Variants in DLG2 observed in about 807,000 individuals in gnomAD.
The protein encoded by DLG2 is disks large homolog 2.
Under a neutral mutation model 132.5 loss-of-function variants are expected in DLG2, and 45 were observed. That is an observed-to-expected ratio of 0.34 (90% CI 0.27 to 0.44). The LOEUF (loss-of-function observed/expected upper bound fraction) is 0.44, where lower values mean the gene tolerates loss of function less well. Among genes scored for constraint, DLG2 ranks in the 20% least tolerant of loss-of-function variants. The pLI, the probability that DLG2 is intolerant of heterozygous loss-of-function variation, is 1.00. For synonymous variants in DLG2, 424 were observed against 419.6 expected (o/e 1.01, Z -0.13); for missense variants, 1,045 against 1,196.9 (o/e 0.87, Z 1.87).
intron 7 of DLG2, among the ~76,000 whole-genome samples, chr11:84,509,143 G>C (rs10898249): frequency 0.15 from 22,631 of 152,170 alleles, 1,742 homozygotes; most frequent in South Asian, 0.26. Context: ...CAAAACTGGA[G>C]TTTTAATGCT....
chr11:85,152,058 A>G (rs2077292609), intron 5 of DLG2, among the ~76,000 whole-genome samples: 1 of 152,178 alleles, frequency 6.6e-6, no homozygotes. Flanking sequence ...AGTTACCAGA[A>G]AAATAGAGCT....
At chr11:85,179,957 A>G (rs1344765030) in intron 4 of DLG2, among the ~76,000 whole-genome samples, 1 of 151,964 alleles carries the variant, frequency 6.6e-6, no homozygotes, top group East Asian at 1.9e-4. Context: ...AAATTGTCCA[A>G]GGACACACAG....
At chr11:84,368,055 A>G (rs2098691309) in intron 7 of DLG2, among the ~76,000 whole-genome samples, 1 of 152,126 alleles carries the variant, frequency 6.6e-6, no homozygotes, top group Non-Finnish European at 1.5e-5. Context: ...TACTTTCTAT[A>G]TCTAAGATCT....
chr11:84,832,285 C>T (rs2079140850), intron 6 of DLG2, among the ~76,000 whole-genome samples: 1 of 151,630 alleles, frequency 6.6e-6, no homozygotes, highest in Non-Finnish European at 1.5e-5. Flanking sequence ...CTAGCTGAAA[C>T]ACTCAGGTTT....
chr11:83,725,119 G>A (rs1160753275), intron 18 of DLG2: 9 of 533,138 alleles, frequency 1.7e-5, no homozygotes, highest in African/African-American at 3.8e-5. Flanking sequence ...TATTTTCTCC[G>A]TTTTAAACGC....
chr11:83,651,787 G>T, intron 18 of DLG2: 1 of 469,754 alleles, frequency 2.1e-6, no homozygotes, highest in South Asian at 1.6e-5. Context: ...TGTAAATCCT[G>T]TTTCCAAAAC....
At chr11:85,306,132 T>C (rs1031654988) in intron 3 of DLG2, among the ~76,000 whole-genome samples, 13 of 152,210 alleles carry the variant, frequency 8.5e-5, no homozygotes, top group Non-Finnish European at 1.8e-4. Context: ...AACTAAATTA[T>C]ATAGAGAATG....
intron 6 of DLG2, among the ~76,000 whole-genome samples, chr11:84,999,666 A>C (rs944530752): frequency 2.0e-5 from 3 of 152,124 alleles, no homozygotes; most frequent in African/African-American, 7.2e-5. Flanking sequence ...AAGCAGCCTG[A>C]GTGATTGGTT....
chr11:83,668,800 CATATATATGTGTATATAAACAT>C (rs1449109532), intron 18 of DLG2, among the ~76,000 whole-genome samples: 3 of 66,206 alleles, frequency 4.5e-5, no homozygotes, highest in African/African-American at 9.2e-5. Context: ...TATAAACACA[CATATATATGTGTATATAAACAT>C]ATATATGTGT....
chr11:83,867,297 C>T (rs908846793), intron 16 of DLG2, among the ~76,000 whole-genome samples: 1 of 152,018 alleles, frequency 6.6e-6, no homozygotes, highest in Non-Finnish European at 1.5e-5. Flanking sequence ...GTTAAAGGTA[C>T]CTAAATTGTT....
At chr11:84,675,608 A>G (rs1000082219) in intron 6 of DLG2, among the ~76,000 whole-genome samples, 20 of 151,898 alleles carry the variant, frequency 1.3e-4, no homozygotes, top group Admixed American at 7.2e-4. Flanking sequence ...TTCACATAGC[A>G]CTCGTTGCCT....
intron 3 of DLG2, among the ~76,000 whole-genome samples, chr11:85,578,880 G>C: frequency 6.6e-6 from 1 of 151,896 alleles, no homozygotes; most frequent in South Asian, 2.1e-4. Context: ...CTCATTACTG[G>C]GTATATACCC....
chr11:83,698,229 G>C (rs1482263367), intron 18 of DLG2, among the ~76,000 whole-genome samples: 1 of 152,204 alleles, frequency 6.6e-6, no homozygotes, highest in Non-Finnish European at 1.5e-5. Flanking sequence ...TGTTTGCTGA[G>C]AGGGAAATGT....
At chr11:84,421,204 A>T (rs2098949715) in intron 7 of DLG2, among the ~76,000 whole-genome samples, 1 of 152,172 alleles carries the variant, frequency 6.6e-6, no homozygotes, top group South Asian at 2.1e-4. Flanking sequence ...TTGTACCTTG[A>T]TGTCAGACTT....
intron 8 of DLG2, among the ~76,000 whole-genome samples, chr11:84,184,055 T>C (rs923516777): frequency 7.9e-5 from 12 of 152,148 alleles, no homozygotes; most frequent in African/African-American, 2.9e-4. Flanking sequence ...CGTGTCTTTA[T>C]AGCAGCATGT....
At chr11:84,588,967 CCTTTCTGGTAACAT>C (rs2099536412) in intron 6 of DLG2, among the ~76,000 whole-genome samples, 1 of 152,064 alleles carries the variant, frequency 6.6e-6, no homozygotes, top group Non-Finnish European at 1.5e-5. Context: ...GATTGGGACC[CCTTTCTGGTAACAT>C]CTTTCTGGTG....
At chr11:83,718,767 T>C (rs2087514018) in intron 18 of DLG2, among the ~76,000 whole-genome samples, 1 of 152,042 alleles carries the variant, frequency 6.6e-6, no homozygotes, top group Non-Finnish European at 1.5e-5. Flanking sequence ...AGGATTACTC[T>C]CTAAGAAGAC....
intron 15 of DLG2, among the ~76,000 whole-genome samples, chr11:83,882,576 T>A (rs926720710): frequency 6.6e-6 from 1 of 152,234 alleles, no homozygotes; most frequent in African/African-American, 2.4e-5. Context: ...ATAAATTGGA[T>A]ATGCTTTATT....
rs549146275 is a variant in DLG2, at chr11:85,440,408, A to T, written c.41-155043T>A. ...AGCTCCCTTCCCTTCCTAATCATCA[A>T]TTATGTCACTATATTGTAACCAGAC... On this transcript the variant is annotated intron_variant, in intron 3 of 27. Coordinates refer to ENST00000376104, the MANE Select transcript of DLG2 (RefSeq NM_001142699.3). Among the ~76,000 whole-genome samples, 37 of 152,320 alleles carry T rather than the reference A, an allele frequency of 2.4e-4. No individual in the cohort carries two copies. The South Asian group carries it at 7.5e-3, about 31-fold the overall frequency.
Sources: gnomAD v4.1 joint callset for allele counts (sites outside exome capture counted in the v4.1 genomes callset) on GRCh38, gnomAD v4.1.1 for gene constraint, MANE v1.5 for transcripts, NCBI Gene and HGNC (gene_info 2026-07-23, HGNC 2026-07-21) for gene names.